The following MYT1L variants were observed in gnomAD, a reference collection of about 807,000 sequenced individuals.
MYT1L encodes myelin transcription factor 1 like.
A neutral mutation model predicts 126.7 loss-of-function variants in MYT1L; 12 were observed. The ratio of observed to expected loss-of-function variants is 0.09; its 90% CI spans 0.06 to 0.15. The LOEUF is 0.15. MYT1L is among the 10% of genes least tolerant of loss of function. MYT1L has a pLI of 1.00. For missense variants in MYT1L, 979 were observed against 1,585.2 expected (o/e 0.62, Z 6.49); for synonymous variants, 541 against 604.2 (o/e 0.90, Z 1.53).
intron 3 of MYT1L, among the ~76,000 whole-genome samples, chr2:2,153,903 G>C (rs1324304834): frequency 3.3e-5 from 5 of 152,084 alleles, no homozygotes; most frequent in African/African-American, 1.2e-4. Flanking sequence ...TGCAGCGTGT[G>C]AGAGGTACTG....
At chr2:2,088,666 TA>T (rs892769002) in intron 3 of MYT1L, among the ~76,000 whole-genome samples, 3 of 152,030 alleles carry the variant, frequency 2.0e-5, no homozygotes, top group African/African-American at 4.8e-5. Context: ...AGTACTAGTA[TA>T]AAAAATATGT....
intron 18 of MYT1L, among the ~76,000 whole-genome samples, chr2:1,880,759 G>T (rs552911635): frequency 1.7e-3 from 257 of 152,304 alleles, no homozygotes; most frequent in African/African-American, 5.9e-3. Flanking sequence ...CCCATGGTCT[G>T]CGTTTTCTTT....
intron 2 of MYT1L, among the ~76,000 whole-genome samples, chr2:2,189,508 A>C (rs2092436455): frequency 6.6e-6 from 1 of 152,254 alleles, no homozygotes; most frequent in African/African-American, 2.4e-5. Flanking sequence ...CTCTTTCAAT[A>C]AATGTCTTTT....
chr2:2,280,098 A>G (rs75768846), intron 2 of MYT1L, among the ~76,000 whole-genome samples: 19,285 of 152,266 alleles, frequency 0.13, 1,579 homozygotes, highest in Admixed American at 0.26. Context: ...TAAAGTAAAA[A>G]TTAAGAAAAT....
intron 21 of MYT1L, chr2:1,825,295 G>A (rs886958186): frequency 7.0e-6 from 1 of 142,186 alleles, no homozygotes; most frequent in African/African-American, 3.1e-5. Context: ...GATGAAGATG[G>A]GGGGGAGGCA....
intron 3 of MYT1L, among the ~76,000 whole-genome samples, chr2:2,069,552 A>G (rs2074332898): frequency 1.3e-5 from 2 of 152,142 alleles, no homozygotes; most frequent in African/African-American, 4.8e-5. Flanking sequence ...GTGTCTTTAT[A>G]GTAGAATGAT....
At chr2:1,836,869 T>C (rs894607095) in intron 21 of MYT1L, among the ~76,000 whole-genome samples, 3 of 152,182 alleles carry the variant, frequency 2.0e-5, no homozygotes, top group Admixed American at 2.0e-4. Context: ...AGAGCATGCA[T>C]TTCAATATAC....
At position 1,856,321 on chromosome 2, in the gene MYT1L, C is replaced by CTT. The variant is rs2043910742; in HGVS notation, c.2712-4619_2712-4618insAA. Among the ~76,000 whole-genome samples, 4 of 152,308 alleles carry CTT rather than the reference C, an allele frequency of 2.6e-5. No homozygotes were observed. The South Asian group carries it at 8.3e-4, about 32-fold the overall frequency. ...CCACCAAAGAAACAATCTCTGTGAG[C>CTT]CTGTGTAAGAAGCGGCATTGACCAC... On this transcript the variant is annotated intron_variant, in intron 18 of 24. Coordinates refer to ENST00000647738, the MANE Select transcript of MYT1L (RefSeq NM_001303052.2).
chr2:2,179,075 T>C (rs1013884639), intron 2 of MYT1L, among the ~76,000 whole-genome samples: 1 of 152,138 alleles, frequency 6.6e-6, no homozygotes, highest in African/African-American at 2.4e-5. Flanking sequence ...CTGGGAGCCC[T>C]TGAGCATAGG....
chr2:1,959,981 A>T (rs980602676), intron 8 of MYT1L, among the ~76,000 whole-genome samples: 1 of 152,148 alleles, frequency 6.6e-6, no homozygotes. Flanking sequence ...TTGTCCTACT[A>T]TTTATTATCT....
chr2:2,001,265 T>A (rs11693576), intron 4 of MYT1L, among the ~76,000 whole-genome samples: 38 of 150,516 alleles, frequency 2.5e-4, no homozygotes, highest in Non-Finnish European at 4.3e-4. Flanking sequence ...TTTTTTTTTT[T>A]ATCTCTTTCT....
At chr2:2,044,526 G>A (rs182975140) in intron 4 of MYT1L, among the ~76,000 whole-genome samples, 3 of 152,246 alleles carry the variant, frequency 2.0e-5, no homozygotes, top group African/African-American at 7.2e-5. Flanking sequence ...ACTCTGCAAC[G>A]GGCTTTTGAA....
At chr2:2,163,791 C>G (rs935103217) in intron 3 of MYT1L, among the ~76,000 whole-genome samples, 3 of 151,824 alleles carry the variant, frequency 2.0e-5, no homozygotes. Flanking sequence ...AGACTTCGAC[C>G]TCCTGTGCTG....
In MYT1L at chr2:2,295,567, G is replaced by GAGAGAGAGAGAGAGAGACAGACAGAC. The variant is rs1559583166; in HGVS notation, c.-520-11090_-520-11065dup. ...AGAGAGAGAGAGAGACAGACAGACA[G>GAGAGAGAGAGAGAGAGACAGACAGAC]AGAGAGAGAGAGAGAGACAGACAGA... On this transcript the variant is annotated intron_variant, in intron 1 of 24. Coordinates refer to ENST00000647738, the MANE Select transcript of MYT1L (RefSeq NM_001303052.2). Among the ~76,000 whole-genome samples the GAGAGAGAGAGAGAGAGACAGACAGAC allele has an allele frequency of 5.0e-3, 84 of 16,668 alleles. 9 individuals carry two copies. The highest frequency in any genetic ancestry group is 0.012 in the African/African-American group (70 of 5,606). 10.9% of individuals were successfully genotyped at this position (16,668 alleles called of 152,430 possible).
At chr2:1,932,285 G>GATACTTTCCT (rs1422166908) in intron 9 of MYT1L, among the ~76,000 whole-genome samples, 2 of 152,192 alleles carry the variant, frequency 1.3e-5, no homozygotes, top group East Asian at 3.8e-4. Context: ...GTGAGATATG[G>GATACTTTCCT]AGGTGCCTAG....
intron 2 of MYT1L, among the ~76,000 whole-genome samples, chr2:2,175,272 G>A (rs905755577): frequency 2.6e-5 from 4 of 152,100 alleles, no homozygotes; most frequent in African/African-American, 9.7e-5. Context: ...ACTTTTCCTG[G>A]AGGTATCAGC....
intron 8 of MYT1L, among the ~76,000 whole-genome samples, chr2:1,965,620 A>G (rs549351925): frequency 7.5e-4 from 115 of 152,330 alleles, no homozygotes; most frequent in African/African-American, 2.5e-3. Context: ...CCTTTTTCAC[A>G]CGCGGGAAGC....
chr2:2,123,397 T>G (rs1218912034), intron 3 of MYT1L, among the ~76,000 whole-genome samples: 1 of 152,162 alleles, frequency 6.6e-6, no homozygotes, highest in Non-Finnish European at 1.5e-5. Context: ...GTGCTATGGT[T>G]TGGATCTGTG....
At chr2:2,182,154 C>G (rs1255757306) in intron 2 of MYT1L, among the ~76,000 whole-genome samples, 1 of 151,884 alleles carries the variant, frequency 6.6e-6, no homozygotes, top group East Asian at 1.9e-4. Context: ...GAACTGTGGC[C>G]ACGGACAGCA....
Sources: allele counts gnomAD v4.1 joint callset (sites outside exome capture counted in the v4.1 genomes callset), GRCh38; gene constraint gnomAD v4.1.1; transcripts MANE v1.5; gene names NCBI Gene and HGNC (gene_info 2026-07-23, HGNC 2026-07-21).